Variants in DDX10 observed in about 807,000 individuals in gnomAD.
DDX10 encodes DEAD-box helicase 10.
DDX10 carries 74 observed loss-of-function variants against 104.3 expected under a neutral mutation model. The ratio of observed to expected loss-of-function variants is 0.71; its 90% CI spans 0.59 to 0.86. DDX10 has a LOEUF of 0.86. Among genes scored for constraint, DDX10 ranks in the 40% least tolerant of loss-of-function variants. The probability of loss-of-function intolerance (pLI) is 0.00; values close to 1 mark genes in which losing one functional copy is unlikely to be tolerated. For synonymous variants in DDX10, 351 were observed against 353.4 expected (o/e 0.99, Z 0.08); for missense variants, 952 against 1,040.0 (o/e 0.92, Z 1.16).
At chr11:108,699,991 A>G (rs2094265366) in intron 9 of DDX10, among the ~76,000 whole-genome samples, 1 of 152,218 alleles carries the variant, frequency 6.6e-6, no homozygotes, top group African/African-American at 2.4e-5. Flanking sequence ...CCAGAGAAAC[A>G]TACTTTCAAA....
intron 13 of DDX10, among the ~76,000 whole-genome samples, chr11:108,777,800 G>T (rs1018250887): frequency 6.6e-6 from 1 of 152,126 alleles, no homozygotes; most frequent in South Asian, 2.1e-4. Flanking sequence ...AAACCTCATC[G>T]TCTCAGCCCA....
At chr11:108,833,810 C>T (rs1004253802) in intron 13 of DDX10, among the ~76,000 whole-genome samples, 3 of 151,960 alleles carry the variant, frequency 2.0e-5, no homozygotes, top group African/African-American at 7.3e-5. Context: ...TCTGATTTTT[C>T]CCCCTTCTTT....
At chr11:108,802,884 C>T (rs1404845856) in intron 13 of DDX10, among the ~76,000 whole-genome samples, 2 of 152,176 alleles carry the variant, frequency 1.3e-5, no homozygotes, top group East Asian at 1.9e-4. Context: ...ATACCAATCC[C>T]CTAGACTTGG....
chr11:108,935,613 A>C (rs534547965), intron 17 of DDX10, among the ~76,000 whole-genome samples: 11 of 152,270 alleles, frequency 7.2e-5, no homozygotes, highest in African/African-American at 2.6e-4. Context: ...GGAGGTGGGC[A>C]TGGAAACCAT....
Position 108,917,865 on chromosome 11 carries a change from T to C in DDX10, c.2305-8T>C, listed in dbSNP as rs770511641. 32 of 1,607,436 alleles carry C rather than the reference T, an allele frequency of 2.0e-5. No homozygotes were observed. The highest frequency in any genetic ancestry group is 2.6e-5 in the Non-Finnish European group (31 of 1,178,826). ...TCAACTGCAGTTTCCCTTATTATTATTTTTTAGGCCAAAGATGAAGAGGAA... is the reference window on the plus strand; with the variant it reads ...TCAACTGCAGTTTCCCTTATTATTACTTTTTAGGCCAAAGATGAAGAGGAA... On this transcript the variant is annotated splice_polypyrimidine_tract_variant and splice_region_variant and intron_variant, in intron 16 of 17. Coordinates refer to ENST00000322536, the MANE Select transcript of DDX10 (RefSeq NM_004398.4).
intron 13 of DDX10, among the ~76,000 whole-genome samples, chr11:108,837,905 G>A (rs1862579299): frequency 6.6e-6 from 1 of 152,074 alleles, no homozygotes; most frequent in African/African-American, 2.4e-5. Context: ...TTACAGGCGT[G>A]AGCCACCATG....
At chr11:108,709,744 TC>T (rs534900805) in intron 10 of DDX10, among the ~76,000 whole-genome samples, 5 of 152,176 alleles carry the variant, frequency 3.3e-5, no homozygotes, top group Admixed American at 6.6e-5. Context: ...TTTAATTTTT[TC>T]CCCCCTATTG....
chr11:108,812,925 T>A lies in DDX10; in HGVS notation c.1966-25521T>A, dbSNP rs570873973. Among the ~76,000 whole-genome samples the A allele has an allele frequency of 6.3e-5, 8 of 127,942 alleles. No individual in the cohort carries two copies. In the South Asian group the frequency reaches 2.1e-3, roughly 34 times the overall value. The allele number at this position is 127,942 out of a possible 152,430, so 83.9% of individuals were successfully genotyped here. On this transcript the variant is annotated intron_variant, in intron 13 of 17. Coordinates refer to ENST00000322536, the MANE Select transcript of DDX10 (RefSeq NM_004398.4). Reference sequence around the variant, plus strand: ...TGAACCCAGTAGGTGGAGGTTGCAGTGAGCAGAGATGGTGCCACTGCACTC... The same window carrying A: ...TGAACCCAGTAGGTGGAGGTTGCAGAGAGCAGAGATGGTGCCACTGCACTC...
At position 108,914,317 on chromosome 11, in the gene DDX10, A is replaced by C. The variant is rs138812220; in HGVS notation, c.2305-3556A>C. 2.2e-3 allele frequency among the ~76,000 whole-genome samples: 334 copies of C among 152,334 alleles called. 2 individuals are homozygous for C. The highest frequency in any genetic ancestry group is 7.6e-3 in the African/African-American group (317 of 41,570). On this transcript the variant is annotated intron_variant, in intron 16 of 17. Coordinates refer to ENST00000322536, the MANE Select transcript of DDX10 (RefSeq NM_004398.4). ...TACACTTGAATAATGTATTCTGCTC[A>C]AAGTGTCAGAGTGCAGATCTCAAAG...
intron 9 of DDX10, among the ~76,000 whole-genome samples, chr11:108,704,136 A>T (rs2094272459): frequency 6.6e-6 from 1 of 152,122 alleles, no homozygotes; most frequent in Non-Finnish European, 1.5e-5. Context: ...AGTAGATGAG[A>T]TGGACAGAGG....
rs191371055 is a variant in DDX10, at chr11:108,675,440, A to G, written c.248-156A>G. Among the ~76,000 whole-genome samples the G allele has an allele frequency of 5.6e-3, 657 of 118,120 alleles. 1 individual carries two copies. The highest frequency in any genetic ancestry group is 0.016 in the African/African-American group (633 of 38,602). 77.5% of individuals were successfully genotyped at this position (118,120 alleles called of 152,430 possible). ...CCCCTATGGGGCTCTAACTTAATCA[A>G]CCTCTTTAAAGGCCCTGTCTCCAAG... On this transcript the variant is annotated intron_variant, in intron 2 of 17. Coordinates refer to ENST00000322536, the MANE Select transcript of DDX10 (RefSeq NM_004398.4).
At chr11:108,729,691 C>T (rs189073580) in intron 13 of DDX10, among the ~76,000 whole-genome samples, 1 of 152,100 alleles carries the variant, frequency 6.6e-6, no homozygotes, top group African/African-American at 2.4e-5. Context: ...GTGGCCCACA[C>T]CTGTAATCCC....
At chr11:108,856,862 A>T (rs181909117) in intron 16 of DDX10, among the ~76,000 whole-genome samples, 1 of 76,094 alleles carries the variant, frequency 1.3e-5, no homozygotes. Flanking sequence ...ACCCCCCACC[A>T]CCCCCGCGTG....
chr11:108,802,876 A>G (rs1344708189), intron 13 of DDX10, among the ~76,000 whole-genome samples: 1 of 152,218 alleles, frequency 6.6e-6, no homozygotes, highest in African/African-American at 2.4e-5. Flanking sequence ...ATTTAATTAT[A>G]CCAATCCCCT....
At chr11:108,893,466 T>C (rs1037826391) in intron 16 of DDX10, among the ~76,000 whole-genome samples, 3 of 152,138 alleles carry the variant, frequency 2.0e-5, no homozygotes, top group Admixed American at 2.0e-4. Context: ...TCATTAAATA[T>C]GTGCTAGACA....
intron 16 of DDX10, among the ~76,000 whole-genome samples, chr11:108,905,315 G>GGT: frequency 2.7e-5 from 4 of 148,488 alleles, no homozygotes; most frequent in African/African-American, 7.5e-5. Flanking sequence ...TTGTTTAAGG[G>GGT]GGGGGGGGGT....
chr11:108,874,872 T>G (rs1285958783), intron 16 of DDX10, among the ~76,000 whole-genome samples: 1 of 152,200 alleles, frequency 6.6e-6, no homozygotes, highest in African/African-American at 2.4e-5. Context: ...GCTGAGTTCC[T>G]TTATTGGTGA....
intron 15 of DDX10, among the ~76,000 whole-genome samples, chr11:108,844,794 C>G (rs971464240): frequency 1.1e-4 from 16 of 152,148 alleles, no homozygotes; most frequent in African/African-American, 3.9e-4. Context: ...CTCCATAGAT[C>G]TAGTTAAGAC....
chr11:108,774,157 A>G (rs1346217384), intron 13 of DDX10, among the ~76,000 whole-genome samples: 1 of 152,254 alleles, frequency 6.6e-6, no homozygotes, highest in East Asian at 1.9e-4. Context: ...GAAATGTGGA[A>G]TAACTGAATT....
Sources: gnomAD v4.1 joint callset for allele counts (sites outside exome capture counted in the v4.1 genomes callset) on GRCh38, gnomAD v4.1.1 for gene constraint, MANE v1.5 for transcripts, NCBI Gene and HGNC (gene_info 2026-07-23, HGNC 2026-07-21) for gene names.